The following TSPAN15 variants were observed in gnomAD, a reference collection of about 807,000 sequenced individuals.
TSPAN15 encodes tetraspanin 15, also known as tetraspanin-15.
Under a neutral mutation model 34.5 loss-of-function variants are expected in TSPAN15, and 20 were observed. That is an observed-to-expected ratio of 0.58 (90% CI 0.41 to 0.84). The LOEUF (loss-of-function observed/expected upper bound fraction) is 0.84. TSPAN15 is among the 40% of genes least tolerant of loss of function. The pLI is 0.00. For synonymous variants in TSPAN15, 155 were observed against 153.9 expected, an observed-to-expected ratio of 1.01 and a Z score of -0.05; for missense variants, 313 against 386.1, an observed-to-expected ratio of 0.81 and a Z score of 1.59.
the TSPAN15 span, among the ~76,000 whole-genome samples, chr10:69,519,435 A>G: frequency 6.6e-6 from 1 of 152,132 alleles, no homozygotes; most frequent in African/African-American, 2.4e-5. Context: ...AAAATAATAT[A>G]TTGCTTATGG....
chr10:69,456,815 T>C (rs547133737), intron 1 of TSPAN15, among the ~76,000 whole-genome samples: 13 of 152,188 alleles, frequency 8.5e-5, no homozygotes, highest in Non-Finnish European at 1.9e-4. Context: ...GTCCCTATGA[T>C]AGGTATACCC....
At chr10:69,464,168 G>GAC (rs1841331638) in intron 1 of TSPAN15, among the ~76,000 whole-genome samples, 1 of 152,246 alleles carries the variant, frequency 6.6e-6, no homozygotes, top group Non-Finnish European at 1.5e-5. Flanking sequence ...TGGCTCACCA[G>GAC]ACACCTTGGC....
At chr10:69,539,451 G>T in the TSPAN15 span, among the ~76,000 whole-genome samples, 2 of 27,256 alleles carry the variant, frequency 7.3e-5, 1 homozygote. Flanking sequence ...GGAAGAAGAA[G>T]AAGAAGAAGA....
intron 1 of TSPAN15, among the ~76,000 whole-genome samples, chr10:69,461,987 T>TA (rs1274385299): frequency 5.0e-4 from 68 of 136,892 alleles, no homozygotes; most frequent in Middle Eastern, 3.6e-3. Context: ...CACCCGTAAT[T>TA]AAAAAAAAAA....
chr10:69,504,448 T>A lies in TSPAN15; in HGVS notation c.581T>A (p.Val194Asp). Residue 194 changes from valine (V) to aspartate (D), a missense_variant, in exon 6 of 8, where the codon GTC becomes GAC. By Grantham distance (152) the Val-to-Asp change is radical (BLOSUM62 -3). Transcript: ENST00000373290. ...TCCIRNTTEVVNTMCGYKTID... is the reference protein window; with the variant it reads ...TCCIRNTTEVDNTMCGYKTID... The stretch of plus-strand genomic sequence containing the variant: ...ACATTTCCATTTCAGACAGAAGTTG[T>A]CAACACCATGTGTGGCTACAAAACT... The A allele has an allele frequency of 6.2e-7, 1 of 1,614,088 alleles. No individual in the cohort carries two copies. The highest frequency in any genetic ancestry group is 8.5e-7 in the Non-Finnish European group (1 of 1,179,908).
At chr10:69,519,528 T>A in the TSPAN15 span, among the ~76,000 whole-genome samples, 1 of 152,184 alleles carries the variant, frequency 6.6e-6, no homozygotes, top group African/African-American at 2.4e-5. Flanking sequence ...GAAAAGGAAA[T>A]GCGCCTGTGG....
At chr10:69,482,646 T>A (rs1303094311) in intron 1 of TSPAN15, among the ~76,000 whole-genome samples, 1 of 152,220 alleles carries the variant, frequency 6.6e-6, no homozygotes, top group Non-Finnish European at 1.5e-5. Context: ...AGCCGTGGTG[T>A]GAGCAGTGCA....
At chr10:69,501,164 G>A (rs192172164) in intron 5 of TSPAN15, among the ~76,000 whole-genome samples, 1 of 152,244 alleles carries the variant, frequency 6.6e-6, no homozygotes, top group Non-Finnish European at 1.5e-5. Flanking sequence ...CACCGTGGAC[G>A]TGGGGGGTTT....
chr10:69,530,816 CTCTCTATATATATATATATA>C, the TSPAN15 span, among the ~76,000 whole-genome samples: 592 of 52,316 alleles, frequency 0.011, 9 homozygotes, highest in African/African-American at 0.024. Flanking sequence ...CTCTCTCTCT[CTCTCTATATATATATATATA>C]TATATATATA....
the TSPAN15 span, among the ~76,000 whole-genome samples, chr10:69,527,744 C>T: frequency 6.8e-6 from 1 of 147,390 alleles, no homozygotes; most frequent in Non-Finnish European, 1.5e-5. Flanking sequence ...CAAAAGACCA[C>T]AGAACTATGT....
chr10:69,507,460 C>T lies in TSPAN15; in HGVS notation c.*482C>T, dbSNP rs1842357256. 1.5e-6 allele frequency: 2 copies of T among 1,299,542 alleles called. No individual in the cohort carries two copies. Among genetic ancestry groups the T allele is most frequent in the African/African-American group, 3.1e-5 (2 of 65,444 alleles). 80.5% of individuals were successfully genotyped at this position (1,299,542 alleles called of 1,614,324 possible). On this transcript the variant is annotated 3_prime_UTR_variant, in exon 8 of 8. Coordinates refer to ENST00000373290, the MANE Select transcript of TSPAN15 (RefSeq NM_012339.5). ...CATGGCCAGGTTGGCCTCTTCTCAG[C>T]CTCCCAGGTGCCTTGAGCCCTCTTG...
intron 3 of TSPAN15, among the ~76,000 whole-genome samples, chr10:69,492,905 G>A (rs1841998375): frequency 1.3e-5 from 2 of 152,188 alleles, no homozygotes; most frequent in African/African-American, 2.4e-5. Flanking sequence ...CTGTGTCTGT[G>A]GTGCCTTGAG....
At chr10:69,480,284 A>G (rs150389658) in intron 1 of TSPAN15, among the ~76,000 whole-genome samples, 2,858 of 152,206 alleles carry the variant, frequency 0.019, 105 homozygotes, top group African/African-American at 0.066. Flanking sequence ...GGATGGGGGC[A>G]GGGGAATGGG....
chr10:69,502,576 T>C (rs1259771552), intron 5 of TSPAN15, among the ~76,000 whole-genome samples: 1 of 152,178 alleles, frequency 6.6e-6, no homozygotes, highest in African/African-American at 2.4e-5. Context: ...ACCCTGGTCT[T>C]GGGGCCTGTG....
At chr10:69,485,776 TG>T (rs11353022) in intron 3 of TSPAN15, among the ~76,000 whole-genome samples, 89,342 of 147,646 alleles carry the variant, frequency 0.61, 26,770 homozygotes, top group African/African-American at 0.67. Context: ...TGGGAGGCTG[TG>T]GGGGGTCATC....
the TSPAN15 span, among the ~76,000 whole-genome samples, chr10:69,543,221 A>G: frequency 7.9e-5 from 12 of 152,034 alleles, no homozygotes; most frequent in African/African-American, 2.7e-4. Context: ...ATGGTTTCTG[A>G]TTTGGTCTCC....
the TSPAN15 span, among the ~76,000 whole-genome samples, chr10:69,513,591 T>TC: frequency 1.3e-5 from 2 of 151,572 alleles, no homozygotes; most frequent in African/African-American, 4.8e-5. Flanking sequence ...ATCAATGTTT[T>TC]CTTTCATGCG....
intron 1 of TSPAN15, among the ~76,000 whole-genome samples, chr10:69,454,741 C>T (rs1376142745): frequency 6.6e-6 from 1 of 152,060 alleles, no homozygotes; most frequent in Non-Finnish European, 1.5e-5. Context: ...CACCTGAGCT[C>T]AGGAGACGGA....
rs1842340032 is a variant in TSPAN15 at position 69,506,915 on chromosome 10, G to GC, written c.825dup (p.Gly276ArgfsTer57). ...ACTCTGTCACTGATGGGCTCCTGGGGCCCGGTGCCAAGCCCAGCGTGGAGG... is the reference window on the plus strand; with the variant it reads ...ACTCTGTCACTGATGGGCTCCTGGGGCCCCGGTGCCAAGCCCAGCGTGGAGG... On this transcript the variant is annotated frameshift_variant, in exon 8 of 8. Transcript: ENST00000373290. LOFTEE classifies it high-confidence loss of function. This position sits in a 1 kb window ranked among gnomAD's most constrained non-coding sequence, Gnocchi z 4.7. The GC allele has an allele frequency of 1.2e-6, 2 of 1,609,066 alleles. No individual in the cohort carries two copies. The highest frequency in any genetic ancestry group is 3.4e-5 in the Admixed American group (2 of 59,358).
Sources: gnomAD v4.1 joint callset for allele counts (sites outside exome capture counted in the v4.1 genomes callset) on GRCh38, gnomAD v4.1.1 for gene constraint, Gnocchi (gnomAD v3.1) non-coding constraint, MANE v1.5 for transcripts, NCBI Gene and HGNC (gene_info 2026-07-23, HGNC 2026-07-21) for gene names.